LRRN2: variants seen among roughly 807,000 people sequenced by gnomAD.
LRRN2 encodes leucine-rich repeat neuronal protein 2.
A neutral mutation model predicts 35.7 loss-of-function variants in LRRN2; 10 were observed. That is an observed-to-expected ratio of 0.28 (90% CI 0.17 to 0.47). LRRN2 has a LOEUF of 0.47. Among genes scored for constraint, LRRN2 ranks in the 20% least tolerant of loss-of-function variants. The pLI is 0.99. For synonymous variants in LRRN2, 391 were observed against 409.6 expected, an observed-to-expected ratio of 0.95 and a Z score of 0.55; for missense variants, 731 against 940.3, an observed-to-expected ratio of 0.78 and a Z score of 2.91.
intron 1 of LRRN2, among the ~76,000 whole-genome samples, chr1:204,680,033 A>T (rs1021894238): frequency 6.6e-6 from 1 of 152,154 alleles, no homozygotes; most frequent in Non-Finnish European, 1.5e-5. Context: ...GGCCCAAGGA[A>T]CACCAGATTC....
At chr1:204,628,034 C>T (rs1007509842) in intron 1 of LRRN2, 1 of 152,222 alleles carries the variant, frequency 6.6e-6, no homozygotes, top group South Asian at 2.1e-4. Context: ...TCAGGTGGCT[C>T]CATTGCCTAT....
At chr1:204,662,395 C>T (rs933967718) in intron 1 of LRRN2, among the ~76,000 whole-genome samples, 4 of 152,204 alleles carry the variant, frequency 2.6e-5, no homozygotes, top group African/African-American at 9.6e-5. Context: ...CAGTAATTCT[C>T]TGGCATAATT....
At chr1:204,661,699 C>G (rs900877762) in intron 1 of LRRN2, among the ~76,000 whole-genome samples, 3 of 152,190 alleles carry the variant, frequency 2.0e-5, no homozygotes, top group Non-Finnish European at 4.4e-5. Flanking sequence ...TGAGGGGCAG[C>G]TGGGTGGCTG....
chr1:204,646,160 G>C (rs574609710), intron 1 of LRRN2, among the ~76,000 whole-genome samples: 1 of 152,162 alleles, frequency 6.6e-6, no homozygotes, highest in East Asian at 1.9e-4. Context: ...AGATGGGGAG[G>C]GGGGACTCCA....
intron 1 of LRRN2, among the ~76,000 whole-genome samples, chr1:204,670,308 G>A (rs945465634): frequency 2.0e-5 from 3 of 152,162 alleles, no homozygotes; most frequent in Admixed American, 6.5e-5. Context: ...ACTGAGGTTT[G>A]AGGTTATGCC....
chr1:204,674,314 C>G (rs1240715554), intron 1 of LRRN2, among the ~76,000 whole-genome samples: 1 of 151,972 alleles, frequency 6.6e-6, no homozygotes, highest in Non-Finnish European at 1.5e-5. Flanking sequence ...CCCCTCCCCT[C>G]CCCTCCTCAC....
chr1:204,642,849 T>C lies in LRRN2; in HGVS notation c.-226-22631A>G, dbSNP rs1571654969. ...GAGAGGGAGGAGGACATCAGGGTCT[T>C]GCAGCAACGGGCTCTTCTACAAAGC... On this transcript the variant is annotated intron_variant, in intron 1 of 1. Transcript: ENST00000367177. Among the ~76,000 whole-genome samples, 5 of 152,308 alleles carry C rather than the reference T, an allele frequency of 3.3e-5. 1 individual carries two copies. The highest frequency in any genetic ancestry group is 3.3e-4 in the Admixed American group (5 of 15,308).
chr1:204,661,497 CT>C lies in LRRN2; in HGVS notation c.-227+23822del, dbSNP rs1668471051. ...CCTGTACATAAGAATCCTGTGGGAG[CT>C]TATCTACAATGCAGATTTCTGGCCA... On this transcript the variant is annotated intron_variant, in intron 1 of 1. Coordinates refer to ENST00000367177, the MANE Select transcript of LRRN2 (RefSeq NM_201630.2). Among the ~76,000 whole-genome samples the C allele has an allele frequency of 1.3e-5, 2 of 152,130 alleles. 1 individual carries two copies. The highest frequency in any genetic ancestry group is 4.1e-4 in the South Asian group (2 of 4,824).
At chr1:204,655,692 A>T (rs1289032675) in intron 1 of LRRN2, among the ~76,000 whole-genome samples, 2 of 151,334 alleles carry the variant, frequency 1.3e-5, no homozygotes, top group Non-Finnish European at 2.9e-5. Flanking sequence ...TCTGCCAGGC[A>T]CTGGGAATAG....
chr1:204,676,035 G>A (rs1252545077), intron 1 of LRRN2, among the ~76,000 whole-genome samples: 1 of 152,188 alleles, frequency 6.6e-6, no homozygotes, highest in Non-Finnish European at 1.5e-5. Context: ...TTAGGGGAAT[G>A]GCCCTGTCTC....
intron 1 of LRRN2, among the ~76,000 whole-genome samples, chr1:204,653,494 A>G (rs1278397350): frequency 1.3e-5 from 2 of 152,192 alleles, no homozygotes. Context: ...TAAGCACTTT[A>G]CTTGTATTAA....
At chr1:204,669,894 A>G (rs1393090851) in intron 1 of LRRN2, among the ~76,000 whole-genome samples, 1 of 152,248 alleles carries the variant, frequency 6.6e-6, no homozygotes, top group African/African-American at 2.4e-5. Flanking sequence ...AGAGTACAAC[A>G]TAATGTGACT....
intron 1 of LRRN2, 126 bp from the exon 2 acceptor site, chr1:204,620,344 G>C (rs568190175): frequency 4.5e-6 from 2 of 448,928 alleles, no homozygotes; most frequent in Admixed American, 9.4e-5. Flanking sequence ...GGTGCACTCA[G>C]CTGACTGCAT....
intron 1 of LRRN2, among the ~76,000 whole-genome samples, chr1:204,638,490 C>T (rs1384794369): frequency 7.4e-6 from 1 of 134,780 alleles, no homozygotes; most frequent in Admixed American, 8.8e-5. Context: ...CGGTTCACTG[C>T]AACCTCCGCC....
intron 1 of LRRN2, among the ~76,000 whole-genome samples, chr1:204,656,499 C>T (rs940928240): frequency 3.7e-4 from 56 of 152,132 alleles, no homozygotes; most frequent in African/African-American, 1.3e-3. Flanking sequence ...TTGTTTTCCA[C>T]CTTGTTTTGG....
chr1:204,624,764 C>A lies in LRRN2; in HGVS notation c.-226-4546G>T, dbSNP rs975812495. Among the ~76,000 whole-genome samples, 13 of 142,072 alleles carry A rather than the reference C, an allele frequency of 9.2e-5. No homozygotes were observed. The East Asian group carries it at 1.3e-3, about 15-fold the overall frequency. The allele number at this position is 142,072 out of a possible 152,430, so 93.2% of individuals were successfully genotyped here. The stretch of plus-strand genomic sequence containing the variant: ...TGGCGGTTCCCCCCCCACCCCCCCC[C>A]CCGGGAGCTGAGGGTCCAGAGGGAG... On this transcript the variant is annotated intron_variant, in intron 1 of 1. Transcript: ENST00000367177.
Position 204,618,836 on chromosome 1 carries a change from C to A in LRRN2, c.1157G>T (p.Arg386Leu), listed in dbSNP as rs374385440. 1.2e-6 allele frequency: 2 copies of A among 1,614,128 alleles called. No individual in the cohort carries two copies. Among genetic ancestry groups the A allele is most frequent in the African/African-American group, 2.7e-5 (2 of 75,048 alleles). Residue 386 changes from arginine (R) to leucine (L), a missense_variant, in exon 2 of 2, where the codon CGT becomes CTT. Coordinates refer to ENST00000367177, the MANE Select transcript of LRRN2 (RefSeq NM_201630.2). The part of the protein sequence containing the change: ...VIRWANATGT[R>L]VRFIEPQSTL... ...GGATTGCGGCTCGATGAAGCGGACA[C>A]GGGTGCCCGTGGCATTGGCCCAGCG... is the stretch of plus-strand genomic sequence containing the variant.
chr1:204,638,402 CTTTTTTTTTTTT>C lies in LRRN2; in HGVS notation c.-226-18196_-226-18185del, dbSNP rs971289134. ...GTGAAGTAACTTGCCCAAGGTCTTC[CTTTTTTTTTTTT>C]TTTTTTTTTTTTTTTGAGACGGAGT... On this transcript the variant is annotated intron_variant, in intron 1 of 1. Transcript: ENST00000367177. Among the ~76,000 whole-genome samples the C allele has an allele frequency of 2.2e-4, 16 of 71,676 alleles. No individual in the cohort carries two copies. In the East Asian group the frequency reaches 5.4e-3, roughly 24 times the overall value. 47.0% of individuals were successfully genotyped at this position (71,676 alleles called of 152,430 possible). A position where few individuals can be genotyped will look rare whatever the true frequency, so the allele number is the denominator to read the frequency against.
intron 1 of LRRN2, among the ~76,000 whole-genome samples, chr1:204,642,308 C>CA (rs1667996039): frequency 1.3e-5 from 2 of 152,238 alleles, no homozygotes; most frequent in South Asian, 4.1e-4. Flanking sequence ...GCTTTATAGT[C>CA]ACATCCCTGG....
Sources: gnomAD v4.1 joint callset for allele counts (sites outside exome capture counted in the v4.1 genomes callset) on GRCh38, gnomAD v4.1.1 for gene constraint, MANE v1.5 for transcripts, NCBI Gene and HGNC (gene_info 2026-07-23, HGNC 2026-07-21) for gene names.